CTNNA3: variants seen among roughly 807,000 people sequenced by gnomAD.
The protein encoded by CTNNA3 is catenin alpha 3.
A neutral mutation model predicts 95.7 loss-of-function variants in CTNNA3; 76 were observed. That is an observed-to-expected ratio of 0.79 (90% CI 0.66 to 0.96). The LOEUF (loss-of-function observed/expected upper bound fraction) is 0.96, where lower values mean the gene tolerates loss of function less well. CTNNA3 is among the 40% of genes least tolerant of loss of function. The pLI is 0.00. For synonymous variants in CTNNA3, 431 were observed against 374.4 expected (o/e 1.15, Z -1.74); for missense variants, 1,191 against 1,089.8 (o/e 1.09, Z -1.31).
rs538587643 is a variant in CTNNA3, at chr10:66,198,387, T to C, written c.1884+82083A>G. ...AAATTCTTTCATGGAAGATTAATTATAAGAGGAATCTACCTGATTAATTTG... is the reference window on the plus strand; with the variant it reads ...AAATTCTTTCATGGAAGATTAATTACAAGAGGAATCTACCTGATTAATTTG... On this transcript the variant is annotated intron_variant, in intron 13 of 17. Transcript: ENST00000433211. Among the ~76,000 whole-genome samples the C allele has an allele frequency of 3.9e-5, 6 of 152,278 alleles. No homozygotes were observed. In the East Asian group the frequency reaches 1.2e-3, roughly 29 times the overall value.
chr10:66,028,893 G>A (rs1197385910), intron 15 of CTNNA3, among the ~76,000 whole-genome samples: 1 of 152,028 alleles, frequency 6.6e-6, no homozygotes, highest in Non-Finnish European at 1.5e-5. Flanking sequence ...TACAGGTATA[G>A]GGTGCAGTGG....
intron 5 of CTNNA3, among the ~76,000 whole-genome samples, chr10:67,508,114 A>C (rs150379049): frequency 1.3e-5 from 2 of 152,244 alleles, no homozygotes; most frequent in East Asian, 3.9e-4. Flanking sequence ...CCCAGGTTCA[A>C]GCAGTTCTCC....
rs1329367033 is a variant in CTNNA3, at chr10:67,175,796, C to CT, written c.1047+4520dup. Among the ~76,000 whole-genome samples, 3 of 152,132 alleles carry CT rather than the reference C, an allele frequency of 2.0e-5. No individual in the cohort carries two copies. The East Asian group carries it at 5.8e-4, about 29-fold the overall frequency. On this transcript the variant is annotated intron_variant, in intron 7 of 17. Coordinates refer to ENST00000433211, the MANE Select transcript of CTNNA3 (RefSeq NM_013266.4). ...ACCCAGTCCCAGAAAAATATCCATG[C>CT]TTGGTGTTATCTTAGAACTCAAACA...
At chr10:66,112,068 C>T (rs952434175) in intron 13 of CTNNA3, among the ~76,000 whole-genome samples, 4 of 152,116 alleles carry the variant, frequency 2.6e-5, no homozygotes, top group East Asian at 1.9e-4. Context: ...GAGATCTCAA[C>T]GCTAGTGAAG....
At chr10:66,236,857 AC>A (rs1476316940) in intron 13 of CTNNA3, among the ~76,000 whole-genome samples, 1 of 145,068 alleles carries the variant, frequency 6.9e-6, no homozygotes, top group African/African-American at 2.8e-5. Flanking sequence ...GCTCACACCT[AC>A]AATCCCAACA....
intron 9 of CTNNA3, among the ~76,000 whole-genome samples, chr10:66,627,178 A>G (rs1844965758): frequency 1.3e-5 from 2 of 152,168 alleles, no homozygotes; most frequent in Non-Finnish European, 2.9e-5. Flanking sequence ...AGAAAAGGCT[A>G]AAAATTAAAA....
At chr10:67,640,664 C>T (rs1218788916) in intron 2 of CTNNA3, among the ~76,000 whole-genome samples, 1 of 152,092 alleles carries the variant, frequency 6.6e-6, no homozygotes, top group Non-Finnish European at 1.5e-5. Context: ...GAGATATCGA[C>T]CAATGGAACA....
rs1026121209 is a variant in CTNNA3 at position 67,494,387 on chromosome 10, A to C, written c.579+27455T>G. ...AAGTAATATCTCATTATTTCTTTAAAATAATTCAATTAATTTCAAAAGGAT... is the reference window on the plus strand; with the variant it reads ...AAGTAATATCTCATTATTTCTTTAACATAATTCAATTAATTTCAAAAGGAT... On this transcript the variant is annotated intron_variant, in intron 5 of 17. Coordinates refer to ENST00000433211, the MANE Select transcript of CTNNA3 (RefSeq NM_013266.4). Among the ~76,000 whole-genome samples, 7 of 152,238 alleles carry C rather than the reference A, an allele frequency of 4.6e-5. 1 individual carries two copies. Among genetic ancestry groups the C allele is most frequent in the Admixed American group, 4.6e-4 (7 of 15,290 alleles).
intron 7 of CTNNA3, among the ~76,000 whole-genome samples, chr10:67,047,130 T>C (rs1373671448): frequency 2.6e-5 from 4 of 152,196 alleles, no homozygotes; most frequent in Non-Finnish European, 4.4e-5. Context: ...AGTACACTTA[T>C]CTTCTCCCAT....
At chr10:66,513,281 G>C (rs1293162918) in intron 11 of CTNNA3, among the ~76,000 whole-genome samples, 1 of 151,998 alleles carries the variant, frequency 6.6e-6, no homozygotes, top group Non-Finnish European at 1.5e-5. Flanking sequence ...GCTTTATCTA[G>C]TCTATTGTTA....
chr10:65,967,629 G>A (rs1376063998), intron 16 of CTNNA3, among the ~76,000 whole-genome samples: 2 of 152,174 alleles, frequency 1.3e-5, no homozygotes. Context: ...CAGGACACAT[G>A]TTTTAGAATA....
intron 11 of CTNNA3, among the ~76,000 whole-genome samples, chr10:66,481,141 A>G (rs1389660168): frequency 2.0e-5 from 3 of 152,148 alleles, no homozygotes; most frequent in Non-Finnish European, 4.4e-5. Flanking sequence ...GTAAAGGTAT[A>G]TGTCTGTATA....
chr10:65,999,927 C>CAAAAAAAAAAAAAAA (rs34353272), intron 15 of CTNNA3, among the ~76,000 whole-genome samples: 1 of 127,816 alleles, frequency 7.8e-6, no homozygotes. Context: ...CAATAATAAT[C>CAAAAAAAAAAAAAAA]AAAAAAAAAA....
rs562149655 is a variant in CTNNA3, at chr10:66,707,493, G to A, written c.1281+58771C>T. Among the ~76,000 whole-genome samples the A allele has an allele frequency of 5.3e-5, 8 of 152,096 alleles. 1 individual carries two copies. The South Asian group carries it at 1.5e-3, about 28-fold the overall frequency. On this transcript the variant is annotated intron_variant, in intron 9 of 17. Coordinates refer to ENST00000433211, the MANE Select transcript of CTNNA3 (RefSeq NM_013266.4). Reference sequence around the variant, plus strand: ...ATCATATATAGTATCTAGCAAGGTAGAAATTAAATAAGATTTCCTGAATTA... The same window carrying A: ...ATCATATATAGTATCTAGCAAGGTAAAAATTAAATAAGATTTCCTGAATTA...
At chr10:66,783,498 G>A (rs1167691164) in intron 7 of CTNNA3, among the ~76,000 whole-genome samples, 1 of 152,062 alleles carries the variant, frequency 6.6e-6, no homozygotes, top group Non-Finnish European at 1.5e-5. Flanking sequence ...TTTTGGTTTT[G>A]TGATGCCTGA....
chr10:66,332,210 C>A (rs1456749562), intron 12 of CTNNA3, among the ~76,000 whole-genome samples: 2 of 151,838 alleles, frequency 1.3e-5, no homozygotes, highest in African/African-American at 4.8e-5. Flanking sequence ...ATTTGACTTC[C>A]TCTTTTCCTA....
At chr10:66,336,544 T>C (rs1197705527) in intron 12 of CTNNA3, among the ~76,000 whole-genome samples, 3 of 152,180 alleles carry the variant, frequency 2.0e-5, no homozygotes. Context: ...ACATTCCTTA[T>C]TAACATCCCA....
intron 11 of CTNNA3, among the ~76,000 whole-genome samples, chr10:66,411,764 T>C (rs1800168140): frequency 6.6e-6 from 1 of 152,144 alleles, no homozygotes; most frequent in African/African-American, 2.4e-5. Context: ...TGGAGTTCAA[T>C]TTTACATGAG....
chr10:66,389,847 T>A (rs1402851356), intron 11 of CTNNA3, among the ~76,000 whole-genome samples: 1 of 151,548 alleles, frequency 6.6e-6, no homozygotes, highest in Non-Finnish European at 1.5e-5. Flanking sequence ...CAAGTGATCA[T>A]TCCACCTCAG....
Sources: gnomAD v4.1 joint callset for allele counts (sites outside exome capture counted in the v4.1 genomes callset) on GRCh38, gnomAD v4.1.1 for gene constraint, MANE v1.5 for transcripts, NCBI Gene and HGNC (gene_info 2026-07-23, HGNC 2026-07-21) for gene names.